CNBD1: variants seen among roughly 807,000 people sequenced by gnomAD.
The protein encoded by CNBD1 is cyclic nucleotide-binding domain-containing protein 1.
In CNBD1, 71 loss-of-function variants were observed where a neutral mutation model predicts 54.4. That is an observed-to-expected ratio of 1.30 (90% CI 1.08 to 1.59). The LOEUF (loss-of-function observed/expected upper bound fraction) is 1.59. CNBD1 is among the 40% of genes most tolerant of loss of function. The pLI is 0.00. For missense variants in CNBD1, 659 were observed against 518.0 expected, an observed-to-expected ratio of 1.27 and a Z score of -2.64; for synonymous variants, 182 against 170.7, an observed-to-expected ratio of 1.07 and a Z score of -0.51.
intron 4 of CNBD1, among the ~76,000 whole-genome samples, chr8:86,952,017 A>G (rs1353968525): frequency 1.3e-5 from 2 of 152,188 alleles, no homozygotes; most frequent in African/African-American, 4.8e-5. Flanking sequence ...CACTGAGATA[A>G]ATGCATATCT....
chr8:87,046,042 TAAAAAAA>T (rs58214390), intron 4 of CNBD1, among the ~76,000 whole-genome samples: 19 of 71,638 alleles, frequency 2.7e-4, no homozygotes, highest in African/African-American at 9.2e-4. Flanking sequence ...CTTCCTCTCA[TAAAAAAA>T]AAAAAAAAAA....
intron 4 of CNBD1, among the ~76,000 whole-genome samples, chr8:87,120,728 C>T (rs1811872616): frequency 6.6e-6 from 1 of 151,810 alleles, no homozygotes; most frequent in South Asian, 2.1e-4. Context: ...ACTGTTTTTG[C>T]TGTATCTCAC....
At chr8:87,293,160 A>C (rs1048890876) in intron 8 of CNBD1, among the ~76,000 whole-genome samples, 6 of 152,196 alleles carry the variant, frequency 3.9e-5, no homozygotes, top group Non-Finnish European at 8.8e-5. Flanking sequence ...AAGAAATATG[A>C]AATTTGTCTC....
chr8:86,928,487 T>C (rs1016281943), intron 3 of CNBD1, among the ~76,000 whole-genome samples: 3 of 152,198 alleles, frequency 2.0e-5, no homozygotes, highest in African/African-American at 7.2e-5. Context: ...TGAGTTACCA[T>C]GACTTTAAAA....
At chr8:86,912,363 A>G (rs1460532055) in intron 3 of CNBD1, among the ~76,000 whole-genome samples, 4 of 152,184 alleles carry the variant, frequency 2.6e-5, no homozygotes, top group Non-Finnish European at 5.9e-5. Context: ...ATTATTAGCT[A>G]TAATACTTCT....
chr8:87,053,065 C>T (rs190044619), intron 4 of CNBD1, among the ~76,000 whole-genome samples: 3 of 152,210 alleles, frequency 2.0e-5, no homozygotes, highest in Admixed American at 2.0e-4. Flanking sequence ...CAGAAGTTTT[C>T]TTTGATGGTT....
chr8:87,295,236 A>G (rs1286724588), intron 8 of CNBD1, among the ~76,000 whole-genome samples: 1 of 151,812 alleles, frequency 6.6e-6, no homozygotes, highest in Non-Finnish European at 1.5e-5. Context: ...CTACAGAATC[A>G]CTGATTTTGT....
At position 87,258,554 on chromosome 8, in the gene CNBD1, G is replaced by T. The variant is rs1352999431; in HGVS notation, c.771+21442G>T. Among the ~76,000 whole-genome samples, 3 of 151,786 alleles carry T rather than the reference G, an allele frequency of 2.0e-5. No homozygotes were observed. The East Asian group carries it at 5.8e-4, about 29-fold the overall frequency. ...GATCTGCCCTCCTCAGCCTCCCAAA[G>T]TGCTTTACAGGCATGAACCACCATG... On this transcript the variant is annotated intron_variant, in intron 6 of 10. Coordinates refer to ENST00000518476, the MANE Select transcript of CNBD1 (RefSeq NM_173538.3).
At chr8:87,378,831 G>C (rs1194394359) in intron 10 of CNBD1, among the ~76,000 whole-genome samples, 2 of 150,030 alleles carry the variant, frequency 1.3e-5, no homozygotes, top group Non-Finnish European at 3.0e-5. Context: ...TTATTTCCTT[G>C]AGCAGTGGTT....
intron 4 of CNBD1, among the ~76,000 whole-genome samples, chr8:87,081,113 T>C (rs572937252): frequency 6.6e-6 from 1 of 152,246 alleles, no homozygotes; most frequent in South Asian, 2.1e-4. Context: ...TTTGGAACTT[T>C]TATTGTTTTT....
At chr8:87,126,248 C>A (rs1811987439) in intron 4 of CNBD1, among the ~76,000 whole-genome samples, 1 of 151,864 alleles carries the variant, frequency 6.6e-6, no homozygotes, top group Admixed American at 6.6e-5. Flanking sequence ...AAGAATTTGC[C>A]AAAGAGCTTT....
intron 4 of CNBD1, among the ~76,000 whole-genome samples, chr8:87,187,162 A>T (rs1813497380): frequency 6.6e-6 from 1 of 151,774 alleles, no homozygotes; most frequent in South Asian, 2.1e-4. Flanking sequence ...TGAAAAATTA[A>T]AAGATTTATA....
intron 4 of CNBD1, among the ~76,000 whole-genome samples, chr8:87,200,521 A>G (rs975969644): frequency 3.3e-5 from 5 of 152,136 alleles, no homozygotes; most frequent in Non-Finnish European, 7.4e-5. Context: ...ACCTAGGCTG[A>G]CTAAGAAAAA....
chr8:87,341,804 G>T (rs1188711875), intron 8 of CNBD1, among the ~76,000 whole-genome samples: 1 of 152,208 alleles, frequency 6.6e-6, no homozygotes, highest in Non-Finnish European at 1.5e-5. Context: ...CTGGTGCTTT[G>T]ATATTGGTCT....
intron 2 of CNBD1, among the ~76,000 whole-genome samples, chr8:87,410,148 C>G (rs539737438): frequency 6.6e-6 from 1 of 152,210 alleles, no homozygotes; most frequent in African/African-American, 2.4e-5. Context: ...GAATTGAGAC[C>G]TACTGCTCAG....
chr8:87,205,490 T>C (rs1431133311), intron 4 of CNBD1, among the ~76,000 whole-genome samples: 1 of 152,208 alleles, frequency 6.6e-6, no homozygotes, highest in African/African-American at 2.4e-5. Context: ...ATGATAATCA[T>C]GTTTCATTTA....
chr8:87,235,776 T>C (rs1807573434), intron 5 of CNBD1, among the ~76,000 whole-genome samples: 1 of 152,150 alleles, frequency 6.6e-6, no homozygotes, highest in African/African-American at 2.4e-5. Flanking sequence ...CTGATAGACT[T>C]GCTAGATGCA....
intron 8 of CNBD1, among the ~76,000 whole-genome samples, chr8:87,328,970 C>A (rs550214781): frequency 6.6e-6 from 1 of 152,098 alleles, no homozygotes; most frequent in South Asian, 2.1e-4. Flanking sequence ...ATTACCAAAC[C>A]CAAGGCCATC....
chr8:87,300,114 T>C (rs1442133848), intron 8 of CNBD1, among the ~76,000 whole-genome samples: 1 of 152,186 alleles, frequency 6.6e-6, no homozygotes, highest in Non-Finnish European at 1.5e-5. Flanking sequence ...TATCCATAAG[T>C]CAGCATCACT....
Sources: gnomAD v4.1 joint callset for allele counts (sites outside exome capture counted in the v4.1 genomes callset) on GRCh38, gnomAD v4.1.1 for gene constraint, MANE v1.5 for transcripts, NCBI Gene and HGNC (gene_info 2026-07-23, HGNC 2026-07-21) for gene names.